The following BEGAIN variants were observed in gnomAD, a reference collection of about 807,000 sequenced individuals.
BEGAIN encodes the protein brain-enriched guanylate kinase-associated protein.
Under a neutral mutation model 35.8 loss-of-function variants are expected in BEGAIN, and 19 were observed. The ratio of observed to expected loss-of-function variants is 0.53; its 90% CI spans 0.37 to 0.78. BEGAIN has a LOEUF of 0.78. Among genes scored for constraint, BEGAIN ranks in the 30% least tolerant of loss-of-function variants. BEGAIN has a pLI of 0.00. For synonymous variants in BEGAIN, 462 were observed against 388.6 expected (o/e 1.19, Z -2.22); for missense variants, 795 against 853.6 (o/e 0.93, Z 0.85).
chr14:100,549,852 C>G (rs1211143477), intron 2 of BEGAIN: 1 of 152,334 alleles, frequency 6.6e-6, no homozygotes, highest in Admixed American at 6.5e-5. Flanking sequence ...TGGCAAGGGC[C>G]GAGATGGGTC....
At chr14:100,585,842 A>G (rs1244898093) in intron 1 of BEGAIN, among the ~76,000 whole-genome samples, 3 of 152,214 alleles carry the variant, frequency 2.0e-5, no homozygotes, top group African/African-American at 7.2e-5. Flanking sequence ...GGAATCTATA[A>G]ATATGAGACA....
intron 2 of BEGAIN, among the ~76,000 whole-genome samples, chr14:100,566,166 G>T (rs779533981): frequency 6.6e-6 from 1 of 152,228 alleles, no homozygotes; most frequent in Non-Finnish European, 1.5e-5. Flanking sequence ...AGGCCACATG[G>T]CCCGATGCAG....
Position 100,573,370 on chromosome 14 carries a change from T to C in BEGAIN, c.43-5431A>G, listed in dbSNP as rs1386493915. On this transcript the variant is annotated intron_variant, in intron 1 of 6. Transcript: ENST00000554140. The surrounding 1 kb of genome is among the most constrained non-coding windows in gnomAD (Gnocchi z 4.2). Reference sequence around the variant, plus strand: ...GGAGCAGCCCTGCGGCTGTGCCTGGTGAGTTGGGAAGCATCCCGGTCACCA... The same window carrying C: ...GGAGCAGCCCTGCGGCTGTGCCTGGCGAGTTGGGAAGCATCCCGGTCACCA... 6.6e-6 allele frequency among the ~76,000 whole-genome samples: 1 copy of C among 151,658 alleles called. No individual in the cohort carries two copies. The highest frequency in any genetic ancestry group is 1.5e-5 in the Non-Finnish European group (1 of 67,924).
At chr14:100,571,238 C>T (rs1287911181) in intron 1 of BEGAIN, among the ~76,000 whole-genome samples, 4 of 152,218 alleles carry the variant, frequency 2.6e-5, no homozygotes, top group Non-Finnish European at 4.4e-5. Flanking sequence ...TGACCCCTCA[C>T]AGGAGCCCTG....
At chr14:100,570,536 C>A (rs1416639267) in intron 1 of BEGAIN, among the ~76,000 whole-genome samples, 8 of 152,232 alleles carry the variant, frequency 5.3e-5, no homozygotes, top group Non-Finnish European at 1.0e-4. Context: ...CTGAGTTTAC[C>A]CCCACACCAG....
rs374015249 is a variant in BEGAIN, at chr14:100,554,380, C to G, written c.72-7718G>C. Among the ~76,000 whole-genome samples the G allele has an allele frequency of 1.3e-4, 20 of 152,300 alleles. No homozygotes were observed. In the East Asian group the frequency reaches 2.9e-3, roughly 22 times the overall value. ...TCCCGCCACGCCCTGGGCACAGCCT[C>G]TGTCTTCCCTCTTCGGTCGTGGCTC... On this transcript the variant is annotated intron_variant, in intron 2 of 6. Transcript: ENST00000554140.
At chr14:100,541,842 C>T (rs937761301) in intron 5 of BEGAIN, among the ~76,000 whole-genome samples, 1 of 152,212 alleles carries the variant, frequency 6.6e-6, no homozygotes, top group Non-Finnish European at 1.5e-5. Flanking sequence ...GCCGCAGCTG[C>T]TGGCTCGGGG....
At position 100,537,829 on chromosome 14, in the gene BEGAIN, G is replaced by T; in HGVS notation, c.*140C>A. ...CTCAGGCCTACAGGGCTGGGGAGGA[G>T]AGGAGGTGCGGGGAGGAACAGACTC... On this transcript the variant is annotated 3_prime_UTR_variant, in exon 7 of 7. Coordinates refer to ENST00000554140, the MANE Select transcript of BEGAIN (RefSeq NM_001385089.1). 7.7e-7 allele frequency: 1 copy of T among 1,297,570 alleles called. No individual in the cohort carries two copies. Among genetic ancestry groups the T allele is most frequent in the Non-Finnish European group, 1.0e-6 (1 of 981,010 alleles). 80.4% of individuals were successfully genotyped at this position (1,297,570 alleles called of 1,614,324 possible).
intron 2 of BEGAIN, 150 bp from the exon 3 acceptor site, chr14:100,546,812 A>ACT (rs1401854497): frequency 5.5e-6 from 3 of 540,936 alleles, no homozygotes; most frequent in Admixed American, 4.7e-5. Flanking sequence ...ACACACACAC[A>ACT]CTCACACACA....
At chr14:100,566,016 G>A (rs2034653357) in intron 2 of BEGAIN, among the ~76,000 whole-genome samples, 2 of 152,184 alleles carry the variant, frequency 1.3e-5, no homozygotes, top group Non-Finnish European at 2.9e-5. Context: ...GGGCAGCCCC[G>A]ACACTGGCCA....
Position 100,538,475 on chromosome 14 carries a change from T to C in BEGAIN, c.1333A>G (p.Ile445Val), listed in dbSNP as rs749150863. 4 of 1,572,868 alleles carry C rather than the reference T, an allele frequency of 2.5e-6. No individual in the cohort carries two copies. The highest frequency in any genetic ancestry group is 1.9e-5 in the Admixed American group (1 of 52,272). The part of the protein sequence containing the change: ...GQWRPLSVED[I>V]GAYSYPVSAA... ...CTCACGGGGTAGGAGTAGGCGCCGA[T>C]GTCCTCCACGCTCAGGGGACGCCAC... The change falls in exon 7 of 7, where the codon ATC becomes GTC. Residue 445 changes from isoleucine to valine, a missense_variant. Ile to Val is a conservative substitution (Grantham distance 29). Around this residue, in one of 3 missense-constraint regions of BEGAIN, gnomAD observed 664 missense variants for 647.7 expected, o/e 1.03. Coordinates refer to ENST00000554140, the MANE Select transcript of BEGAIN (RefSeq NM_001385089.1).
In BEGAIN at chr14:100,580,407, G is replaced by A. The variant is rs552282924; in HGVS notation, c.42+6842C>T. Among the ~76,000 whole-genome samples, 29 of 152,254 alleles carry A rather than the reference G, an allele frequency of 1.9e-4. 1 individual carries two copies. Among genetic ancestry groups the A allele is most frequent in the South Asian group, 1.2e-3 (6 of 4,822 alleles). On this transcript the variant is annotated intron_variant, in intron 1 of 6. Transcript: ENST00000554140. ...CTGCAAGGCCCTGACAATTGCTGGT[G>A]TCTTCTCTCTCTCTCTGCTACCCTC... is the stretch of plus-strand genomic sequence containing the variant.
At position 100,563,231 on chromosome 14, in the gene BEGAIN, T is replaced by C. The variant is rs1037398464; in HGVS notation, c.71+4680A>G. 6.6e-6 allele frequency among the ~76,000 whole-genome samples: 1 copy of C among 152,106 alleles called. No homozygotes were observed. Among genetic ancestry groups the C allele is most frequent in the Non-Finnish European group, 1.5e-5 (1 of 68,002 alleles). Reference sequence around the variant, plus strand: ...TGTGGCCCGAACACCTGGGTGTCCTTGTGCAAAACCAAAACCAGAACCAAA... The same window carrying C: ...TGTGGCCCGAACACCTGGGTGTCCTCGTGCAAAACCAAAACCAGAACCAAA... On this transcript the variant is annotated intron_variant, in intron 2 of 6. Transcript: ENST00000554140. The surrounding 1 kb of genome is among the most constrained non-coding windows in gnomAD (Gnocchi z 4.2).
chr14:100,579,994 C>T (rs574729711), intron 1 of BEGAIN, among the ~76,000 whole-genome samples: 31 of 151,692 alleles, frequency 2.0e-4, no homozygotes, highest in Admixed American at 1.4e-3. Flanking sequence ...ACAAACACGG[C>T]GAGTGTGACC....
intron 2 of BEGAIN, among the ~76,000 whole-genome samples, chr14:100,559,180 C>T (rs916177394): frequency 2.0e-5 from 3 of 152,180 alleles, no homozygotes; most frequent in Admixed American, 6.5e-5. Flanking sequence ...GGGCTGTCTC[C>T]GAGAGCCAAG....
Position 100,539,306 on chromosome 14 carries a change from C to G in BEGAIN, c.502G>C (p.Asp168His). 1 of 1,552,716 alleles carries G rather than the reference C, an allele frequency of 6.4e-7. No homozygotes were observed. The change falls in exon 7 of 7, where the codon GAT (aspartate) becomes CAT (histidine). Residue 168 changes from aspartate (D) to histidine (H), a missense_variant. Asp to His is a moderately conservative substitution (Grantham distance 81). Around this residue, in one of 3 missense-constraint regions of BEGAIN, gnomAD observed 73 missense variants for 143.2 expected, o/e 0.51. Transcript: ENST00000554140. ...RVHKVSELPS[D>H]FQERVSLHME... ...TGCAGGCTCACGCGCTCCTGGAAAT[C>G]CGAGGGCAGCTGGAACGGGTGCGAG...
chr14:100,582,207 C>T (rs541702039), intron 1 of BEGAIN, among the ~76,000 whole-genome samples: 2 of 152,270 alleles, frequency 1.3e-5, no homozygotes, highest in South Asian at 2.1e-4. Context: ...TGCAGTGGCG[C>T]GATCTCGGCT....
chr14:100,539,343 C>T (rs376060413), intron 6 of BEGAIN, 28 bp from the exon 7 acceptor site: 54 of 1,528,436 alleles, frequency 3.5e-5, no homozygotes, highest in Middle Eastern at 1.8e-4. Flanking sequence ...AGGGGGACGG[C>T]GGGTACAGGG....
intron 2 of BEGAIN, among the ~76,000 whole-genome samples, chr14:100,557,940 T>C (rs972282700): frequency 1.3e-4 from 20 of 152,252 alleles, no homozygotes; most frequent in African/African-American, 4.8e-4. Flanking sequence ...CCTACCAGCA[T>C]CTGCCCCGAC....
Sources: gnomAD v4.1 joint callset for allele counts (sites outside exome capture counted in the v4.1 genomes callset) on GRCh38, gnomAD v4.1.1 for gene constraint, gnomAD v4.1.1 regional missense constraint, Gnocchi (gnomAD v3.1) non-coding constraint, MANE v1.5 for transcripts, NCBI Gene and HGNC (gene_info 2026-07-23, HGNC 2026-07-21) for gene names.